RBFOX2: variants seen among roughly 807,000 people sequenced by gnomAD.
RBFOX2 encodes the protein RNA binding fox-1 homolog 2, also known as RNA binding protein fox-1 homolog 2.
In RBFOX2, 10 loss-of-function variants were observed where a neutral mutation model predicts 49.1. That is an observed-to-expected ratio of 0.20 (90% confidence interval 0.13 to 0.35). The LOEUF (loss-of-function observed/expected upper bound fraction) is 0.35. RBFOX2 is among the 10% of genes least tolerant of loss of function. The pLI is 1.00. For missense variants in RBFOX2, 323 were observed against 486.9 expected, an observed-to-expected ratio of 0.66 and a Z score of 3.17; for synonymous variants, 183 against 187.4, an observed-to-expected ratio of 0.98 and a Z score of 0.19.
chr22:35,914,813 A>G (rs988279953), intron 1 of RBFOX2, among the ~76,000 whole-genome samples: 5 of 152,212 alleles, frequency 3.3e-5, no homozygotes, highest in Admixed American at 6.5e-5. Flanking sequence ...TCAGGTTTTC[A>G]ACTAAATCTG....
intron 1 of RBFOX2, among the ~76,000 whole-genome samples, chr22:35,850,193 TACAC>T (rs58692076): frequency 0.013 from 1,683 of 132,580 alleles, 28 homozygotes; most frequent in African/African-American, 0.041. Context: ...CTCTCTCTCA[TACAC>T]ACACACACAC....
intron 1 of RBFOX2, among the ~76,000 whole-genome samples, chr22:35,826,635 G>GAA (rs1955799600): frequency 6.6e-6 from 1 of 152,014 alleles, no homozygotes; most frequent in East Asian, 1.9e-4. Context: ...CCTCAGGAGG[G>GAA]AAAACTTTAA....
At chr22:35,960,857 G>A (rs1022698386) in intron 1 of RBFOX2, among the ~76,000 whole-genome samples, 1 of 151,884 alleles carries the variant, frequency 6.6e-6, no homozygotes, top group African/African-American at 2.4e-5. Flanking sequence ...AGCCGATTCC[G>A]AATGAGAGTT....
chr22:35,789,144 AC>A (rs1947053745), intron 2 of RBFOX2, among the ~76,000 whole-genome samples: 1 of 152,082 alleles, frequency 6.6e-6, no homozygotes, highest in East Asian at 1.9e-4. Flanking sequence ...GAGATCTGAG[AC>A]AGTGATATTT....
intron 1 of RBFOX2, chr22:35,897,952 G>A: frequency 3.9e-6 from 3 of 774,698 alleles, no homozygotes; most frequent in Non-Finnish European, 6.9e-6. Flanking sequence ...CTGAGCAATT[G>A]CTTGGGGAAT....
chr22:36,010,350 G>T (rs931840633), intron 1 of RBFOX2, among the ~76,000 whole-genome samples: 9 of 152,006 alleles, frequency 5.9e-5, no homozygotes, highest in African/African-American at 2.2e-4. Flanking sequence ...TGCCCTGCCG[G>T]CTTCCATTCA....
At chr22:35,925,260 T>C (rs576019947) in intron 1 of RBFOX2, among the ~76,000 whole-genome samples, 1 of 152,110 alleles carries the variant, frequency 6.6e-6, no homozygotes, top group East Asian at 1.9e-4. Flanking sequence ...GGCTCACACC[T>C]GTAATCCCAA....
intron 10 of RBFOX2, 36 bp downstream of exon 12, chr22:35,746,437 A>T: frequency 6.8e-7 from 1 of 1,476,686 alleles, no homozygotes; most frequent in Non-Finnish European, 9.3e-7. Flanking sequence ...AACAGCTCTC[A>T]TGCATCCCAA....
chr22:36,023,741 C>T (rs771268463), intron 1 of RBFOX2, among the ~76,000 whole-genome samples: 2 of 152,148 alleles, frequency 1.3e-5, no homozygotes, highest in Non-Finnish European at 2.9e-5. Context: ...TGTCACTTCC[C>T]TCCTACTCTC....
At chr22:35,788,463 A>G (rs1946891401) in intron 2 of RBFOX2, among the ~76,000 whole-genome samples, 1 of 152,216 alleles carries the variant, frequency 6.6e-6, no homozygotes, top group Admixed American at 6.5e-5. Flanking sequence ...GAAAAAAAGC[A>G]AAATAGGAAA....
chr22:35,838,298 G>A (rs1193604108), intron 1 of RBFOX2, among the ~76,000 whole-genome samples: 10 of 150,674 alleles, frequency 6.6e-5, no homozygotes, highest in East Asian at 1.9e-4. Flanking sequence ...CTAAAACAGC[G>A]GAAGAGGTGA....
chr22:35,797,813 G>A (rs563559866), intron 2 of RBFOX2, among the ~76,000 whole-genome samples: 1 of 152,268 alleles, frequency 6.6e-6, no homozygotes, highest in African/African-American at 2.4e-5. Flanking sequence ...GACCACACAG[G>A]GAAAATTACT....
chr22:35,915,500 G>A (rs1021592123), intron 1 of RBFOX2, among the ~76,000 whole-genome samples: 3 of 152,148 alleles, frequency 2.0e-5, no homozygotes, highest in Middle Eastern at 3.2e-3. Flanking sequence ...GAGAATCAGA[G>A]AGGCAGCCGC....
At chr22:35,758,315 G>C (rs1937550587) in intron 9 of RBFOX2, among the ~76,000 whole-genome samples, 1 of 152,142 alleles carries the variant, frequency 6.6e-6, no homozygotes, top group Admixed American at 6.5e-5. Context: ...TCAATATACT[G>C]AAACGACTAC....
chr22:35,820,538 A>T (rs1003664557), intron 1 of RBFOX2, among the ~76,000 whole-genome samples: 5 of 152,050 alleles, frequency 3.3e-5, no homozygotes, highest in Admixed American at 1.3e-4. Context: ...ACCCTCCCCA[A>T]CCTAATACTT....
At chr22:35,739,830 G>A (rs1022426441) in exon 12 of RBFOX2, 2 of 152,576 alleles carry the variant, frequency 1.3e-5, no homozygotes, top group Admixed American at 6.5e-5. Context: ...AGACAAGGAG[G>A]ACCAAGTCCC....
intron 1 of RBFOX2, among the ~76,000 whole-genome samples, chr22:35,848,034 T>G (rs1363776613): frequency 1.3e-5 from 2 of 152,212 alleles, no homozygotes; most frequent in African/African-American, 4.8e-5. Flanking sequence ...TATTTTTTCA[T>G]ATATGTCTAA....
chr22:35,871,740 G>C (rs1275967645), intron 1 of RBFOX2, among the ~76,000 whole-genome samples: 1 of 152,176 alleles, frequency 6.6e-6, no homozygotes, highest in Non-Finnish European at 1.5e-5. Flanking sequence ...TTCAGAGTTG[G>C]CTCAGGTTCC....
At chr22:35,814,710 C>CAAAAAAAA (rs55971445) in intron 1 of RBFOX2, among the ~76,000 whole-genome samples, 2 of 31,016 alleles carry the variant, frequency 6.4e-5, no homozygotes, top group African/African-American at 1.1e-4. Flanking sequence ...AACCCTGTCT[C>CAAAAAAAA]AAAAAAAAAA....
Sources: allele counts gnomAD v4.1 joint callset (sites outside exome capture counted in the v4.1 genomes callset), GRCh38; gene constraint gnomAD v4.1.1; transcripts MANE v1.5; gene names NCBI Gene and HGNC (gene_info 2026-07-23, HGNC 2026-07-21).